Variants in CLCNKA observed in about 807,000 individuals in gnomAD.
The protein encoded by CLCNKA is chloride voltage-gated channel Ka.
Under a neutral mutation model 83.3 loss-of-function variants are expected in CLCNKA, and 66 were observed. The observed-to-expected ratio is 0.79, with a 90% CI of 0.65 to 0.97. The LOEUF is 0.97. Among genes scored for constraint, CLCNKA ranks in the 50% least tolerant of loss-of-function variants. The pLI is 0.00. For missense variants in CLCNKA, 806 were observed against 888.7 expected (o/e 0.91, Z 1.18); for synonymous variants, 357 against 370.4 (o/e 0.96, Z 0.42).
chr1:16,024,518 T>TG (rs1365594779), intron 3 of CLCNKA, among the ~76,000 whole-genome samples: 1 of 152,188 alleles, frequency 6.6e-6, no homozygotes, highest in African/African-American at 2.4e-5. Flanking sequence ...ACTTGGCAGA[T>TG]GGGGAAACTG....
At chr1:16,027,052 C>T in intron 7 of CLCNKA, 2 of 655,472 alleles carry the variant, frequency 3.1e-6, no homozygotes, top group Non-Finnish European at 5.2e-6. Context: ...GCAGCTTCCT[C>T]CTCTGTAAAA....
rs762493511 is a variant in CLCNKA, at chr1:16,028,062, G to C, written c.911G>C (p.Arg304Pro). The C allele has an allele frequency of 6.3e-7, 1 of 1,592,360 alleles. No individual in the cohort carries two copies. The highest frequency in any genetic ancestry group is 1.7e-5 in the Admixed American group (1 of 58,802). ...VLSCAYLFCQ[R>P]TFLSFIKTNR... ...AGCTGTGCTTACCTCTTCTGTCAGC[G>C]AACCTTCCTCAGCTTCATCAAGACC... Residue 304 changes from arginine to proline, a missense_variant, in exon 10 of 20, where the codon CGA becomes CCA. Physicochemically the swap from Arg to Pro is moderately radical, Grantham distance 103. Transcript: ENST00000331433.
rs1177132019 is a variant in CLCNKA, at chr1:16,031,839, C to T, written c.1752C>T (p.Ser584=). The T allele has an allele frequency of 2.7e-5, 44 of 1,613,702 alleles. No individual in the cohort carries two copies. The highest frequency in any genetic ancestry group is 3.7e-5 in the Non-Finnish European group (44 of 1,180,048). Residue 584 remains serine, a synonymous_variant, in exon 16 of 20, where the codon AGC becomes AGT. Coordinates refer to ENST00000331433, the MANE Select transcript of CLCNKA (RefSeq NM_004070.4). ...TGACCGAGTATCCCCTGGTGGAGAG[C>T]ACAGGTGCCCAGCTGGAAGGGAGGA... The part of the protein sequence containing the change: ...TDVTEYPLVE[S]TESQILVGIV...
rs751412273 is a variant in CLCNKA, at chr1:16,024,859, G to A, written c.326G>A (p.Gly109Asp). The change falls in exon 4 of 20, where the codon GGC (glycine) becomes GAC (aspartate). Residue 109 changes from glycine to aspartate, a missense_variant. Gly to Asp is a moderately conservative substitution (Grantham distance 94). Coordinates refer to ENST00000331433, the MANE Select transcript of CLCNKA (RefSeq NM_004070.4). The stretch of plus-strand genomic sequence containing the variant: ...GTGGCCCTCGTCTCTTTCTCCTCAG[G>A]CTTCTCCCAGAGCATCACGCCCTCC... The part of the protein sequence containing the change: ...YPVALVSFSS[G>D]FSQSITPSSG... 9.9e-6 allele frequency: 16 copies of A among 1,614,024 alleles called. No individual in the cohort carries two copies. In the African/African-American group the frequency reaches 1.9e-4, roughly 19 times the overall value.
Position 16,028,853 on chromosome 1 carries a change from G to T in CLCNKA, c.1053+8G>T. On this transcript the variant is annotated splice_region_variant and intron_variant, in intron 11 of 19. Transcript: ENST00000331433. Reference sequence around the variant, plus strand: ...CACTTCCTAGCTTCTCGGGTAAGGGGTCCTGAGCGGGGGTGGCAGGAGTGG... The same window carrying T: ...CACTTCCTAGCTTCTCGGGTAAGGGTTCCTGAGCGGGGGTGGCAGGAGTGG... The T allele has an allele frequency of 1.2e-6, 2 of 1,613,884 alleles. No individual in the cohort carries two copies. The highest frequency in any genetic ancestry group is 1.7e-6 in the Non-Finnish European group (2 of 1,179,894).
At chr1:16,023,738 G>C in intron 2 of CLCNKA, 62 bp from the exon 3 acceptor site, 1 of 1,607,456 alleles carries the variant, frequency 6.2e-7, no homozygotes. Flanking sequence ...CAGACCTCCA[G>C]GGAAGGGGCT....
At chr1:16,023,128 C>T (rs781586650) in intron 2 of CLCNKA, among the ~76,000 whole-genome samples, 2 of 152,232 alleles carry the variant, frequency 1.3e-5, no homozygotes, top group Non-Finnish European at 2.9e-5. Flanking sequence ...CTGACTGTCC[C>T]CTCAGCTACG....
Position 16,026,088 on chromosome 1 carries a change from T to C in CLCNKA, c.359-20T>C. ...AATCTAGAGATTGTCCCCTGCTTGTTCCTGTCCTGTCTGGCTAAGGTTCTG... is the reference window on the plus strand; with the variant it reads ...AATCTAGAGATTGTCCCCTGCTTGTCCCTGTCCTGTCTGGCTAAGGTTCTG... On this transcript the variant is annotated intron_variant, in intron 4 of 19. Transcript: ENST00000331433. 6.2e-7 allele frequency: 1 copy of C among 1,612,202 alleles called. No homozygotes were observed. The highest frequency in any genetic ancestry group is 8.5e-7 in the Non-Finnish European group (1 of 1,179,968).
At chr1:16,032,172 A>C (rs1160665789) in intron 16 of CLCNKA, 31 bp from the exon 17 acceptor site, 1 of 1,590,762 alleles carries the variant, frequency 6.3e-7, no homozygotes, top group Non-Finnish European at 8.6e-7. Flanking sequence ...TTCATAATGC[A>C]CCTCCCTCCC....
At chr1:16,028,574 A>G (rs764215210) in intron 10 of CLCNKA, 187 bp from the exon 11 acceptor site, 2 of 741,628 alleles carry the variant, frequency 2.7e-6, no homozygotes, top group Non-Finnish European at 4.8e-6. Flanking sequence ...TGAGGGGCTC[A>G]CCCCACGGGT....
In CLCNKA at chr1:16,023,934, T is replaced by C. The variant is rs756297476; in HGVS notation, c.229+6T>C. Reference sequence around the variant, plus strand: ...CATCGGGTGTGTGGTCCGAGGTAACTCTTCCCTGGCAGGTGCTGCTCTGGG... The same window carrying C: ...CATCGGGTGTGTGGTCCGAGGTAACCCTTCCCTGGCAGGTGCTGCTCTGGG... On this transcript the variant is annotated splice_donor_region_variant and intron_variant, in intron 3 of 19. Coordinates refer to ENST00000331433, the MANE Select transcript of CLCNKA (RefSeq NM_004070.4). 2 of 1,613,948 alleles carry C rather than the reference T, an allele frequency of 1.2e-6. No individual in the cohort carries two copies. The highest frequency in any genetic ancestry group is 2.2e-5 in the South Asian group (2 of 91,082).
chr1:16,033,478 C>T, intron 19 of CLCNKA, 133 bp from the exon 20 acceptor site: 1 of 946,612 alleles, frequency 1.1e-6, no homozygotes, highest in Non-Finnish European at 1.7e-6. Context: ...TCAGTGATCC[C>T]ATCTGTGCAA....
rs374944585 is a variant in CLCNKA, at chr1:16,024,749, G to A, written c.230-14G>A. On this transcript the variant is annotated splice_polypyrimidine_tract_variant and intron_variant, in intron 3 of 19. Coordinates refer to ENST00000331433, the MANE Select transcript of CLCNKA (RefSeq NM_004070.4). ...GAGGCTGTGGGTGCCTCCCTGATAC[G>A]CGGCTGTCCCCAGCACACCAGTGGC... is the stretch of plus-strand genomic sequence containing the variant. 2.4e-5 allele frequency: 39 copies of A among 1,613,792 alleles called. No individual in the cohort carries two copies. Among genetic ancestry groups the A allele is most frequent in the African/African-American group, 1.7e-4 (13 of 75,054 alleles).
Position 16,024,845 on chromosome 1 carries a change from C to G in CLCNKA, c.312C>G (p.Val104=), listed in dbSNP as rs762881942. 5.0e-6 allele frequency: 8 copies of G among 1,614,196 alleles called. No individual in the cohort carries two copies. The South Asian group carries it at 8.8e-5, about 18-fold the overall frequency. Residue 104 remains valine, a synonymous_variant, in exon 4 of 20, where the codon GTC becomes GTG. Transcript: ENST00000331433. Reference sequence around the variant, plus strand: ...GGACTGTGTACCCTGTGGCCCTCGTCTCTTTCTCCTCAGGCTTCTCCCAGA... The same window carrying G: ...GGACTGTGTACCCTGTGGCCCTCGTGTCTTTCTCCTCAGGCTTCTCCCAGA... ...LSWTVYPVAL[V]SFSSGFSQSI... is the part of the protein sequence containing the mutation.
At chr1:16,029,378 T>A (rs994456207) in intron 12 of CLCNKA, 79 bp downstream of exon 12, 1 of 1,595,304 alleles carries the variant, frequency 6.3e-7, no homozygotes, top group Admixed American at 1.7e-5. Flanking sequence ...TCCCTGCACC[T>A]GGTGGCATGG....
intron 7 of CLCNKA, 94 bp downstream of exon 7, chr1:16,026,869 G>C (rs1557450734): frequency 6.6e-7 from 1 of 1,504,542 alleles, no homozygotes; most frequent in Non-Finnish European, 9.2e-7. Context: ...CTGGAGGAGG[G>C]GATGGGGCTC....
At chr1:16,024,057 C>T in intron 3 of CLCNKA, 129 bp downstream of exon 3, 1 of 1,130,950 alleles carries the variant, frequency 8.8e-7, no homozygotes, top group Non-Finnish European at 1.3e-6. Context: ...TGGCTCTACT[C>T]CTGATTTGCT....
chr1:16,024,715 A>T (rs1297117612), intron 3 of CLCNKA, 48 bp from the exon 4 acceptor site: 1 of 1,611,690 alleles, frequency 6.2e-7, no homozygotes, highest in Non-Finnish European at 8.5e-7. Context: ...TCTGGCCCTG[A>T]GGGCTGCAGA....
intron 2 of CLCNKA, 89 bp downstream of exon 2, chr1:16,022,808 C>T: frequency 2.2e-6 from 2 of 926,756 alleles, no homozygotes; most frequent in Non-Finnish European, 3.1e-6. Context: ...TGCCCAGGAA[C>T]CACCCTCCTG....
Sources: gnomAD v4.1 joint callset for allele counts (sites outside exome capture counted in the v4.1 genomes callset) on GRCh38, gnomAD v4.1.1 for gene constraint, MANE v1.5 for transcripts, NCBI Gene and HGNC (gene_info 2026-07-23, HGNC 2026-07-21) for gene names.